Variants in SGCD observed in about 807,000 individuals in gnomAD.
SGCD encodes sarcoglycan delta.
In SGCD, 18 loss-of-function variants were observed where a neutral mutation model predicts 36.6. That is an observed-to-expected ratio of 0.49 (90% CI 0.34 to 0.73). SGCD has a LOEUF of 0.73. SGCD is among the 30% of genes least tolerant of loss of function. SGCD has a pLI of 0.01. For synonymous variants in SGCD, 133 were observed against 130.6 expected, an observed-to-expected ratio of 1.02 and a Z score of -0.12; for missense variants, 387 against 346.7, an observed-to-expected ratio of 1.12 and a Z score of -0.92.
chr5:156,615,934 C>T (rs540993429), intron 6 of SGCD, among the ~76,000 whole-genome samples: 59 of 152,258 alleles, frequency 3.9e-4, no homozygotes, highest in African/African-American at 1.3e-3. Flanking sequence ...ATAGTCTTGG[C>T]TTGGTGAATG....
At chr5:155,988,518 A>G (rs180700736) in intron 1 of SGCD, among the ~76,000 whole-genome samples, 3 of 152,306 alleles carry the variant, frequency 2.0e-5, no homozygotes, top group African/African-American at 7.2e-5. Context: ...ACAGACAGAT[A>G]GACAACTAAT....
chr5:156,111,506 T>C (rs750306538), intron 1 of SGCD, among the ~76,000 whole-genome samples: 1 of 152,182 alleles, frequency 6.6e-6, no homozygotes, highest in Non-Finnish European at 1.5e-5. Flanking sequence ...CAGCCAGAGA[T>C]GCATTGAGTA....
At chr5:156,520,684 C>A (rs575106872) in intron 4 of SGCD, among the ~76,000 whole-genome samples, 1 of 152,172 alleles carries the variant, frequency 6.6e-6, no homozygotes, top group African/African-American at 2.4e-5. Context: ...GGTTCAAGAA[C>A]AGACACATAG....
chr5:156,236,307 G>T (rs1765161686), intron 3 of SGCD, among the ~76,000 whole-genome samples: 1 of 152,018 alleles, frequency 6.6e-6, no homozygotes, highest in African/African-American at 2.4e-5. Flanking sequence ...TTTAGTGTAA[G>T]GACAGTAATT....
At chr5:156,200,384 T>C (rs1764117052) in intron 3 of SGCD, among the ~76,000 whole-genome samples, 1 of 151,862 alleles carries the variant, frequency 6.6e-6, no homozygotes, top group Non-Finnish European at 1.5e-5. Flanking sequence ...AAATAATTTT[T>C]GACAAGTGTG....
upstream of SGCD, among the ~76,000 whole-genome samples, chr5:156,322,958 TA>T (rs34414241): frequency 2.6e-5 from 4 of 152,164 alleles, no homozygotes; most frequent in Admixed American, 2.0e-4. Flanking sequence ...CTGAGGGGAT[TA>T]AAAAATACTG....
chr5:156,097,950 C>T (rs1373052654), intron 1 of SGCD, among the ~76,000 whole-genome samples: 1 of 152,128 alleles, frequency 6.6e-6, no homozygotes, highest in Non-Finnish European at 1.5e-5. Context: ...TTTTGGCATG[C>T]TTGGTTTATT....
intron 3 of SGCD, among the ~76,000 whole-genome samples, chr5:156,177,441 T>C (rs910083585): frequency 5.3e-5 from 8 of 152,194 alleles, no homozygotes; most frequent in East Asian, 1.9e-4. Flanking sequence ...GTTTATCTTA[T>C]TGAGCTAGAG....
chr5:156,070,499 T>G (rs1760512561), intron 1 of SGCD, among the ~76,000 whole-genome samples: 2 of 149,822 alleles, frequency 1.3e-5, no homozygotes, highest in South Asian at 4.1e-4. Flanking sequence ...TCATGACTGA[T>G]AAGCTTTTTG....
chr5:156,343,721 C>A (rs1768791616), intron 2 of SGCD, among the ~76,000 whole-genome samples: 1 of 152,168 alleles, frequency 6.6e-6, no homozygotes, highest in Non-Finnish European at 1.5e-5. Flanking sequence ...TCTAATTTCT[C>A]TCTCTCTACT....
intron 1 of SGCD, among the ~76,000 whole-genome samples, chr5:156,095,717 G>T (rs770312124): frequency 6.6e-6 from 1 of 152,170 alleles, no homozygotes; most frequent in Non-Finnish European, 1.5e-5. Flanking sequence ...AAGCATAAAT[G>T]TTCCCTACTC....
At chr5:156,059,722 G>A (rs1419040210) in intron 1 of SGCD, among the ~76,000 whole-genome samples, 3 of 146,632 alleles carry the variant, frequency 2.0e-5, no homozygotes, top group Non-Finnish European at 4.6e-5. Flanking sequence ...AACAATAATG[G>A]CACTTCACAG....
intron 1 of SGCD, among the ~76,000 whole-genome samples, chr5:155,947,323 G>A (rs1211813533): frequency 6.9e-6 from 1 of 145,824 alleles, no homozygotes; most frequent in Non-Finnish European, 1.5e-5. Flanking sequence ...GTGTGTGTGT[G>A]TGTGTGTGTG....
At chr5:155,978,161 G>T (rs1758158456) in intron 1 of SGCD, among the ~76,000 whole-genome samples, 1 of 152,150 alleles carries the variant, frequency 6.6e-6, no homozygotes. Context: ...GAAAAGACCA[G>T]AATGTGGCAT....
At chr5:156,482,826 T>TTGTTG (rs1755496019) in intron 3 of SGCD, among the ~76,000 whole-genome samples, 1 of 145,428 alleles carries the variant, frequency 6.9e-6, no homozygotes, top group South Asian at 2.3e-4. Context: ...TTTTTTTTTT[T>TTGTTG]TTTTTTTTTT....
intron 1 of SGCD, among the ~76,000 whole-genome samples, chr5:156,079,167 G>A (rs1017389781): frequency 6.6e-6 from 1 of 152,050 alleles, no homozygotes; most frequent in Non-Finnish European, 1.5e-5. Context: ...AAGAGTGAAG[G>A]CAAGATGCCA....
chr5:156,367,668 C>A (rs999542349), intron 3 of SGCD, among the ~76,000 whole-genome samples: 1 of 152,170 alleles, frequency 6.6e-6, no homozygotes, highest in Non-Finnish European at 1.5e-5. Context: ...ATGGAAGCTC[C>A]CCTCTGACTT....
chr5:156,212,001 G>A (rs185971171), intron 3 of SGCD, among the ~76,000 whole-genome samples: 24 of 152,170 alleles, frequency 1.6e-4, no homozygotes, highest in African/African-American at 5.8e-4. Context: ...AAGCAAAAAC[G>A]ACAAGAGGTA....
At chr5:155,927,517 T>C (rs1324148069) in intron 1 of SGCD, among the ~76,000 whole-genome samples, 2 of 152,074 alleles carry the variant, frequency 1.3e-5, no homozygotes, top group Non-Finnish European at 2.9e-5. Context: ...GAAGCAGGGA[T>C]TCACTCTAGA....
Sources: gnomAD v4.1 joint callset for allele counts (sites outside exome capture counted in the v4.1 genomes callset) on GRCh38, gnomAD v4.1.1 for gene constraint, MANE v1.5 for transcripts, NCBI Gene and HGNC (gene_info 2026-07-23, HGNC 2026-07-21) for gene names.